The following ALK variants were observed in gnomAD, a reference collection of about 807,000 sequenced individuals.
ALK encodes ALK tyrosine kinase receptor.
A neutral mutation model predicts 163.1 loss-of-function variants in ALK; 74 were observed. That is an observed-to-expected ratio of 0.45 (90% confidence interval 0.38 to 0.55). The LOEUF is 0.55. Ranked by LOEUF, ALK falls within the 20% of genes least tolerant of loss-of-function variation. ALK has a pLI of 0.00. For missense variants in ALK, 2,063 were observed against 2,105.3 expected, an observed-to-expected ratio of 0.98 and a Z score of 0.39; for synonymous variants, 960 against 843.2, an observed-to-expected ratio of 1.14 and a Z score of -2.40.
chr2:29,442,241 G>A (rs972519846), intron 4 of ALK, among the ~76,000 whole-genome samples: 7 of 152,050 alleles, frequency 4.6e-5, no homozygotes, highest in South Asian at 4.1e-4. Flanking sequence ...GGTACTAGGA[G>A]ATTTGGGGTG....
intron 8 of ALK, among the ~76,000 whole-genome samples, chr2:29,299,578 T>C (rs35525800): frequency 0.032 from 4,901 of 152,332 alleles, 114 homozygotes; most frequent in South Asian, 0.11. Context: ...TTATAGGGAC[T>C]GTTAACTGAA....
At chr2:29,205,086 AT>A (rs1176692331) in intron 26 of ALK, among the ~76,000 whole-genome samples, 1 of 152,092 alleles carries the variant, frequency 6.6e-6, no homozygotes, top group Non-Finnish European at 1.5e-5. Flanking sequence ...TCACACTTGG[AT>A]TTCCTTATCC....
intron 3 of ALK, among the ~76,000 whole-genome samples, chr2:29,589,873 A>G (rs1021360952): frequency 1.1e-4 from 17 of 152,258 alleles, no homozygotes; most frequent in African/African-American, 4.1e-4. Flanking sequence ...TCCCTGTGCC[A>G]GGTGGAAGCA....
Position 29,435,170 on chromosome 2 carries a change from A to T in ALK, c.1155-51311T>A, listed in dbSNP as rs1284143909. The stretch of plus-strand genomic sequence containing the variant: ...GCGGTGGAAATGAGCTAACCAAACG[A>T]AGGAAGCAAAGAGTCTCTACTACTT... On this transcript the variant is annotated intron_variant, in intron 4 of 28. Transcript: ENST00000389048. Among the ~76,000 whole-genome samples, 3 of 152,178 alleles carry T rather than the reference A, an allele frequency of 2.0e-5. No homozygotes were observed. The South Asian group carries it at 6.2e-4, about 32-fold the overall frequency.
chr2:29,921,310 G>GC lies in ALK; in HGVS notation c.-652dup, dbSNP rs1483298291. The GC allele has an allele frequency of 4.7e-5, 11 of 233,078 alleles. No homozygotes were observed. Among genetic ancestry groups the GC allele is most frequent in the Non-Finnish European group, 6.8e-5 (8 of 118,046 alleles). The allele number at this position is 233,078 out of a possible 1,614,324, so 14.4% of individuals were successfully genotyped here. ...GCGTGAATCCCAGCCCCCGCGCTGCGCAAGTTTGCAGCGTCCTTGCTCTCA... is the reference window on the plus strand; with the variant it reads ...GCGTGAATCCCAGCCCCCGCGCTGCGCCAAGTTTGCAGCGTCCTTGCTCTCA... On this transcript the variant is annotated 5_prime_UTR_variant, in exon 1 of 29. Coordinates refer to ENST00000389048, the MANE Select transcript of ALK (RefSeq NM_004304.5).
intron 15 of ALK, among the ~76,000 whole-genome samples, chr2:29,230,947 G>A (rs1664183605): frequency 6.7e-6 from 1 of 149,428 alleles, no homozygotes; most frequent in Admixed American, 6.6e-5. Flanking sequence ...CAGCTGAGGA[G>A]GTTTCTGACC....
chr2:29,618,528 G>A (rs548264378), intron 3 of ALK, among the ~76,000 whole-genome samples: 1 of 151,810 alleles, frequency 6.6e-6, no homozygotes, highest in East Asian at 1.9e-4. Flanking sequence ...GGTGGGGAGA[G>A]GGTCCCCTCC....
At chr2:29,320,168 G>A (rs1000615794) in intron 7 of ALK, among the ~76,000 whole-genome samples, 3 of 152,258 alleles carry the variant, frequency 2.0e-5, no homozygotes, top group Admixed American at 6.5e-5. Flanking sequence ...TCTTGGCTGC[G>A]TGGAGGCCCT....
chr2:29,843,150 T>C (rs1023009867), intron 1 of ALK, among the ~76,000 whole-genome samples: 6 of 151,538 alleles, frequency 4.0e-5, no homozygotes, highest in Admixed American at 3.3e-4. Flanking sequence ...GTTGTGTTCA[T>C]GGAGAGGAGG....
At chr2:29,852,927 A>T (rs2148401957) in intron 1 of ALK, among the ~76,000 whole-genome samples, 1 of 152,056 alleles carries the variant, frequency 6.6e-6, no homozygotes, top group South Asian at 2.1e-4. Flanking sequence ...AGTAGGAAGC[A>T]GCCATCACTG....
At chr2:29,511,189 T>A (rs1028478169) in intron 4 of ALK, among the ~76,000 whole-genome samples, 1 of 152,122 alleles carries the variant, frequency 6.6e-6, no homozygotes, top group Non-Finnish European at 1.5e-5. Flanking sequence ...TTAATAGTTG[T>A]TACACTGAGA....
intron 3 of ALK, among the ~76,000 whole-genome samples, chr2:29,549,303 T>C (rs1375098488): frequency 2.0e-5 from 3 of 152,232 alleles, no homozygotes; most frequent in Non-Finnish European, 2.9e-5. Context: ...CAAATGTCCA[T>C]ATGTGGAAAT....
At chr2:29,788,885 T>C (rs1664113013) in intron 1 of ALK, among the ~76,000 whole-genome samples, 1 of 152,200 alleles carries the variant, frequency 6.6e-6, no homozygotes, top group African/African-American at 2.4e-5. Context: ...CTAACCAATG[T>C]CACTTTCTAT....
intron 9 of ALK, among the ~76,000 whole-genome samples, chr2:29,291,846 G>T (rs1349054348): frequency 1.3e-5 from 2 of 152,138 alleles, no homozygotes; most frequent in African/African-American, 2.4e-5. Flanking sequence ...AATAAAAGAC[G>T]CTCTTCAATG....
chr2:29,342,114 G>A (rs926322035), intron 5 of ALK, among the ~76,000 whole-genome samples: 1 of 152,168 alleles, frequency 6.6e-6, no homozygotes, highest in African/African-American at 2.4e-5. Context: ...GAAGATGACT[G>A]ATTTGGTATG....
At chr2:29,400,086 A>G (rs957516397) in intron 4 of ALK, among the ~76,000 whole-genome samples, 3 of 152,162 alleles carry the variant, frequency 2.0e-5, no homozygotes, top group African/African-American at 4.8e-5. Context: ...GTGACAGGCC[A>G]GGGGCTGGAG....
At chr2:29,820,432 C>T (rs1467503460) in intron 1 of ALK, among the ~76,000 whole-genome samples, 1 of 152,116 alleles carries the variant, frequency 6.6e-6, no homozygotes, top group Non-Finnish European at 1.5e-5. Flanking sequence ...TCCTAGATGC[C>T]GAACCTACCC....
intron 11 of ALK, among the ~76,000 whole-genome samples, chr2:29,272,178 G>A (rs968931158): frequency 9.6e-6 from 1 of 104,050 alleles, no homozygotes; most frequent in Non-Finnish European, 2.1e-5. Context: ...GGAGGGAGTC[G>A]GGTGAGGGAG....
chr2:29,454,687 A>G (rs1230770503), intron 4 of ALK, among the ~76,000 whole-genome samples: 2 of 131,328 alleles, frequency 1.5e-5, no homozygotes, highest in African/African-American at 6.0e-5. Context: ...AATAGGCACA[A>G]ACCAAAACAA....
Sources: gnomAD v4.1 joint callset for allele counts (sites outside exome capture counted in the v4.1 genomes callset) on GRCh38, gnomAD v4.1.1 for gene constraint, MANE v1.5 for transcripts, NCBI Gene and HGNC (gene_info 2026-07-23, HGNC 2026-07-21) for gene names.